Variants in TMEM163 observed in about 807,000 individuals in gnomAD.
The protein encoded by TMEM163 is transmembrane protein 163.
TMEM163 carries 17 observed loss-of-function variants against 29.3 expected under a neutral mutation model. The observed-to-expected ratio is 0.58, with a 90% CI of 0.40 to 0.87. The LOEUF is 0.87. Ranked by LOEUF, TMEM163 falls within the 40% of genes least tolerant of loss-of-function variation. The pLI is 0.00. For synonymous variants in TMEM163, 157 were observed against 160.6 expected, an observed-to-expected ratio of 0.98 and a Z score of 0.17; for missense variants, 303 against 381.5, an observed-to-expected ratio of 0.79 and a Z score of 1.71.
intron 2 of TMEM163, among the ~76,000 whole-genome samples, chr2:134,633,332 G>A (rs1574296127): frequency 6.6e-6 from 1 of 152,156 alleles, no homozygotes; most frequent in Non-Finnish European, 1.5e-5. Context: ...ACAGAGACAT[G>A]AGCGGTTGGG....
intron 4 of TMEM163, among the ~76,000 whole-genome samples, chr2:134,528,244 A>C (rs937508794): frequency 6.6e-6 from 1 of 152,236 alleles, no homozygotes; most frequent in Non-Finnish European, 1.5e-5. Context: ...TTGTAAGCAG[A>C]TCTTAGAAAT....
At chr2:134,577,848 AAC>A (rs1201884032) in intron 2 of TMEM163, among the ~76,000 whole-genome samples, 1 of 152,156 alleles carries the variant, frequency 6.6e-6, no homozygotes, top group Non-Finnish European at 1.5e-5. Context: ...TACAAATAAA[AAC>A]ACAGCATAAC....
At chr2:134,513,584 CA>C (rs984117021) in intron 4 of TMEM163, among the ~76,000 whole-genome samples, 1 of 152,206 alleles carries the variant, frequency 6.6e-6, no homozygotes, top group Non-Finnish European at 1.5e-5. Flanking sequence ...GAGCCCCTGA[CA>C]GCTTTGAAAA....
chr2:134,501,085 A>G (rs1679687298), intron 5 of TMEM163, among the ~76,000 whole-genome samples: 1 of 152,214 alleles, frequency 6.6e-6, no homozygotes. Context: ...CATGATATGT[A>G]TCAAAACATC....
At chr2:134,581,899 C>T (rs940163636) in intron 2 of TMEM163, among the ~76,000 whole-genome samples, 2 of 152,172 alleles carry the variant, frequency 1.3e-5, no homozygotes, top group Admixed American at 6.5e-5. Flanking sequence ...AATATTCCAT[C>T]GTTCAAAATA....
intron 4 of TMEM163, among the ~76,000 whole-genome samples, chr2:134,527,433 T>A (rs866812114): frequency 2.0e-5 from 3 of 151,886 alleles, no homozygotes; most frequent in Middle Eastern, 3.4e-3. Flanking sequence ...ATACAACAAA[T>A]CCTTAACATG....
At chr2:134,474,433 T>C (rs1395788485) in intron 5 of TMEM163, among the ~76,000 whole-genome samples, 1 of 91,694 alleles carries the variant, frequency 1.1e-5, no homozygotes, top group African/African-American at 7.9e-5. Context: ...ACAACTAATA[T>C]CAACCAACGG....
intron 4 of TMEM163, among the ~76,000 whole-genome samples, chr2:134,530,169 CT>C (rs1207539493): frequency 2.0e-5 from 3 of 152,130 alleles, no homozygotes; most frequent in Non-Finnish European, 2.9e-5. Flanking sequence ...AAAGTTCATG[CT>C]AGAAATGCCC....
At chr2:134,480,128 C>A (rs924856932) in intron 5 of TMEM163, among the ~76,000 whole-genome samples, 1 of 152,168 alleles carries the variant, frequency 6.6e-6, no homozygotes, top group Admixed American at 6.5e-5. Context: ...TTTTCCAGCT[C>A]CTTGCAGAAA....
Position 134,654,422 on chromosome 2 carries a change from A to G in TMEM163, c.322+58778T>C, listed in dbSNP as rs370917887. On this transcript the variant is annotated intron_variant, in intron 2 of 7. Coordinates refer to ENST00000281924, the MANE Select transcript of TMEM163 (RefSeq NM_030923.5). ...TTGGTAGATCTTCCTCCATCCTTTTATTTTGAGCCTATGTGTGTCTCTGCA... is the reference window on the plus strand; with the variant it reads ...TTGGTAGATCTTCCTCCATCCTTTTGTTTTGAGCCTATGTGTGTCTCTGCA... Among the ~76,000 whole-genome samples the G allele has an allele frequency of 3.7e-4, 25 of 67,180 alleles. No individual in the cohort carries two copies. In the East Asian group the frequency reaches 3.9e-3, roughly 10 times the overall value. The allele number at this position is 67,180 out of a possible 152,430, so 44.1% of individuals were successfully genotyped here.
intron 4 of TMEM163, among the ~76,000 whole-genome samples, chr2:134,537,687 C>T (rs1356398885): frequency 6.6e-6 from 1 of 152,148 alleles, no homozygotes. Context: ...TCCATGTTTG[C>T]ATGTCAGTTA....
chr2:134,503,585 C>T (rs1679749448), intron 4 of TMEM163, among the ~76,000 whole-genome samples: 3 of 152,088 alleles, frequency 2.0e-5, no homozygotes, highest in Non-Finnish European at 4.4e-5. Flanking sequence ...GTTGATAGAC[C>T]CCTTTGCATT....
At chr2:134,517,374 A>T (rs188425204) in intron 4 of TMEM163, among the ~76,000 whole-genome samples, 44 of 152,336 alleles carry the variant, frequency 2.9e-4, no homozygotes, top group African/African-American at 1.0e-3. Flanking sequence ...TTACGGAGAA[A>T]TAGAGAGCTG....
intron 1 of TMEM163, 22 bp downstream of exon 1, chr2:134,718,712 G>T (rs1310302899): frequency 7.9e-6 from 9 of 1,143,386 alleles, no homozygotes; most frequent in Non-Finnish European, 9.7e-6. Flanking sequence ...GTCGCCGGCC[G>T]GGTCGGGCAG....
chr2:134,514,383 CT>C (rs150211429), intron 4 of TMEM163, among the ~76,000 whole-genome samples: 5,029 of 125,446 alleles, frequency 0.04, 107 homozygotes, highest in African/African-American at 0.048. Flanking sequence ...TACTGATGAT[CT>C]TTTTTTTTTT....
chr2:134,572,762 G>T (rs540709779), intron 2 of TMEM163, among the ~76,000 whole-genome samples: 3 of 152,272 alleles, frequency 2.0e-5, no homozygotes, highest in African/African-American at 7.2e-5. Flanking sequence ...ACCCTTCAGC[G>T]CTTAATGATC....
intron 2 of TMEM163, among the ~76,000 whole-genome samples, chr2:134,691,429 A>G (rs1442471833): frequency 6.6e-6 from 1 of 152,166 alleles, no homozygotes; most frequent in Non-Finnish European, 1.5e-5. Flanking sequence ...CATGAAGCTG[A>G]TATTTTGCTT....
chr2:134,718,971 A>G lies in TMEM163; in HGVS notation c.-36T>C. ...TGCGGATCCCGGCGGCGGCGACGAC[A>G]AGCGCGGCGGGGACTCGAGTCAGAA... On this transcript the variant is annotated 5_prime_UTR_variant, in exon 1 of 8. Coordinates refer to ENST00000281924, the MANE Select transcript of TMEM163 (RefSeq NM_030923.5). 2.0e-6 allele frequency: 2 copies of G among 1,015,548 alleles called. No homozygotes were observed. The highest frequency in any genetic ancestry group is 2.3e-6 in the Non-Finnish European group (2 of 851,138). The allele number at this position is 1,015,548 out of a possible 1,614,324, so 62.9% of individuals were successfully genotyped here.
chr2:134,675,856 A>C (rs1269385100), intron 2 of TMEM163, among the ~76,000 whole-genome samples: 1 of 152,194 alleles, frequency 6.6e-6, no homozygotes, highest in African/African-American at 2.4e-5. Context: ...CTATCCACAG[A>C]GCATAACTCC....
Sources: gnomAD v4.1 joint callset for allele counts (sites outside exome capture counted in the v4.1 genomes callset) on GRCh38, gnomAD v4.1.1 for gene constraint, MANE v1.5 for transcripts, NCBI Gene and HGNC (gene_info 2026-07-23, HGNC 2026-07-21) for gene names.